Variants in PALM2AKAP2 observed in about 807,000 individuals in gnomAD.
PALM2AKAP2 encodes the protein PALM2 and AKAP2 fusion.
A neutral mutation model predicts 71.5 loss-of-function variants in PALM2AKAP2; 37 were observed. That is an observed-to-expected ratio of 0.52 (90% CI 0.40 to 0.68). PALM2AKAP2 has a LOEUF of 0.68. PALM2AKAP2 is among the 30% of genes least tolerant of loss of function. The pLI is 0.00. For synonymous variants in PALM2AKAP2, 468 were observed against 478.8 expected (o/e 0.98, Z 0.29); for missense variants, 1,224 against 1,191.8 (o/e 1.03, Z -0.40).
intron 6 of PALM2AKAP2, among the ~76,000 whole-genome samples, chr9:109,985,850 A>G (rs1009606450): frequency 6.6e-6 from 1 of 152,006 alleles, no homozygotes; most frequent in African/African-American, 2.4e-5. Flanking sequence ...GGGTTTCACC[A>G]TGTTGGCCAG....
chr9:110,012,925 G>A (rs1416611581), intron 6 of PALM2AKAP2, among the ~76,000 whole-genome samples: 3 of 152,128 alleles, frequency 2.0e-5, no homozygotes, highest in African/African-American at 7.2e-5. Context: ...CATAGTTAAA[G>A]GTAAAAATAC....
rs187959483 is a variant in PALM2AKAP2 at position 109,693,826 on chromosome 9, A to G, written c.5+52960A>G. Among the ~76,000 whole-genome samples, 960 of 152,152 alleles carry G rather than the reference A, an allele frequency of 6.3e-3. 7 individuals are homozygous for G. Among genetic ancestry groups the G allele is most frequent in the Non-Finnish European group, 0.01 (691 of 67,888 alleles). On this transcript the variant is annotated intron_variant, in intron 1 of 6. Transcript: ENST00000374531. Reference sequence around the variant, plus strand: ...AATTTCAGTCCTTAAACTTATTGATACTTGTTTTATGGTCTAGACTATAGT... The same window carrying G: ...AATTTCAGTCCTTAAACTTATTGATGCTTGTTTTATGGTCTAGACTATAGT...
chr9:109,939,428 C>G (rs1249543697), intron 6 of PALM2AKAP2, among the ~76,000 whole-genome samples: 6 of 152,180 alleles, frequency 3.9e-5, no homozygotes, highest in Non-Finnish European at 8.8e-5. Flanking sequence ...TATTTTTATC[C>G]TATCACATAT....
At chr9:109,867,518 G>A (rs1829485033) in exon 2 of PALM2AKAP2, 1 of 1,612,904 alleles carries the variant, frequency 6.2e-7, no homozygotes, top group Non-Finnish European at 8.5e-7. Flanking sequence ...GACTGAAATA[G>A]AAGGCAAGCG....
intron 6 of PALM2AKAP2, among the ~76,000 whole-genome samples, chr9:109,989,507 G>A (rs1054379912): frequency 6.6e-6 from 1 of 152,116 alleles, no homozygotes; most frequent in African/African-American, 2.4e-5. Flanking sequence ...CATTTGCCTG[G>A]AACAGTCACA....
At chr9:109,889,246 C>A (rs926334835) in intron 3 of PALM2AKAP2, among the ~76,000 whole-genome samples, 1 of 152,138 alleles carries the variant, frequency 6.6e-6, no homozygotes, top group South Asian at 2.1e-4. Context: ...GCTGCTTTTG[C>A]AAAGGCAATA....
At chr9:109,660,361 G>A (rs988486979) in intron 1 of PALM2AKAP2, among the ~76,000 whole-genome samples, 3 of 148,852 alleles carry the variant, frequency 2.0e-5, no homozygotes, top group Admixed American at 6.7e-5. Flanking sequence ...CCCAACTCCC[G>A]ACAGGCCCTG....
At chr9:109,893,381 C>T (rs1830129229) in intron 3 of PALM2AKAP2, among the ~76,000 whole-genome samples, 1 of 152,194 alleles carries the variant, frequency 6.6e-6, no homozygotes, top group Non-Finnish European at 1.5e-5. Context: ...AGAATCCAGA[C>T]CAATTGTGGG....
chr9:110,091,525 C>T (rs960912049), intron 1 of PALM2AKAP2, among the ~76,000 whole-genome samples: 29 of 138,938 alleles, frequency 2.1e-4, no homozygotes, highest in Non-Finnish European at 3.6e-4. Context: ...TGCAGTAGCA[C>T]GATCTCCGCT....
chr9:110,016,761 G>C (rs1284032103), intron 7 of PALM2AKAP2, among the ~76,000 whole-genome samples: 1 of 152,156 alleles, frequency 6.6e-6, no homozygotes, highest in Admixed American at 6.5e-5. Context: ...CAAAGGATGG[G>C]GGTGGGAGGG....
chr9:110,122,429 T>A (rs1203210137), intron 1 of PALM2AKAP2, among the ~76,000 whole-genome samples: 1 of 152,212 alleles, frequency 6.6e-6, no homozygotes, highest in Non-Finnish European at 1.5e-5. Flanking sequence ...CTGCTGCATT[T>A]TGGGGATTCA....
chr9:109,821,304 A>T (rs1827995158), intron 1 of PALM2AKAP2, among the ~76,000 whole-genome samples: 1 of 152,220 alleles, frequency 6.6e-6, no homozygotes, highest in East Asian at 1.9e-4. Flanking sequence ...CACATTGTAC[A>T]CATGTACCCT....
chr9:109,800,323 A>C (rs1827388044), intron 1 of PALM2AKAP2, among the ~76,000 whole-genome samples: 1 of 152,254 alleles, frequency 6.6e-6, no homozygotes, highest in Admixed American at 6.5e-5. Context: ...TGTTTAGCAA[A>C]TACTACCGCA....
chr9:109,870,560 T>C (rs1829577858), intron 2 of PALM2AKAP2, among the ~76,000 whole-genome samples: 1 of 152,200 alleles, frequency 6.6e-6, no homozygotes, highest in Non-Finnish European at 1.5e-5. Context: ...AAGACAGTTA[T>C]TACTCTGTCT....
intron 3 of PALM2AKAP2, among the ~76,000 whole-genome samples, chr9:109,900,671 A>G (rs895288563): frequency 6.6e-6 from 1 of 152,242 alleles, no homozygotes; most frequent in African/African-American, 2.4e-5. Flanking sequence ...CACAAGACCT[A>G]TAATCTACCC....
At chr9:109,861,764 G>A (rs992105903) in intron 1 of PALM2AKAP2, among the ~76,000 whole-genome samples, 1 of 152,170 alleles carries the variant, frequency 6.6e-6, no homozygotes, top group African/African-American at 2.4e-5. Context: ...CATAGCAACA[G>A]TAATTTATTT....
intron 1 of PALM2AKAP2, among the ~76,000 whole-genome samples, chr9:109,784,534 G>C (rs180958653): frequency 6.6e-6 from 1 of 152,356 alleles, no homozygotes; most frequent in African/African-American, 2.4e-5. Context: ...AAGAAGTTAA[G>C]TCAGTAGCTA....
At chr9:109,899,705 C>T (rs1424927896) in intron 3 of PALM2AKAP2, among the ~76,000 whole-genome samples, 2 of 152,188 alleles carry the variant, frequency 1.3e-5, no homozygotes, top group African/African-American at 4.8e-5. Context: ...CAACTACCTG[C>T]CATTCCTTGG....
chr9:109,689,414 G>T (rs1314723566), intron 1 of PALM2AKAP2, among the ~76,000 whole-genome samples: 1 of 151,856 alleles, frequency 6.6e-6, no homozygotes, highest in Non-Finnish European at 1.5e-5. Context: ...TGATCAGGCT[G>T]GTCTCAAACT....
Sources: allele counts gnomAD v4.1 joint callset (sites outside exome capture counted in the v4.1 genomes callset), GRCh38; gene constraint gnomAD v4.1.1; transcripts MANE v1.5; gene names NCBI Gene and HGNC (gene_info 2026-07-23, HGNC 2026-07-21).